The following CYTH1 variants were observed in gnomAD, a reference collection of about 807,000 sequenced individuals.
CYTH1 encodes cytohesin-1.
A neutral mutation model predicts 61.8 loss-of-function variants in CYTH1; 18 were observed. The ratio of observed to expected loss-of-function variants is 0.29; its 90% confidence interval spans 0.20 to 0.43. The LOEUF (loss-of-function observed/expected upper bound fraction) is 0.43, where lower values mean the gene tolerates loss of function less well. Ranked by LOEUF, CYTH1 falls within the 20% of genes least tolerant of loss-of-function variation. The pLI, the probability that CYTH1 is intolerant of heterozygous loss-of-function variation, is 1.00. For synonymous variants in CYTH1, 174 were observed against 184.3 expected, an observed-to-expected ratio of 0.94 and a Z score of 0.45; for missense variants, 336 against 510.5, an observed-to-expected ratio of 0.66 and a Z score of 3.29.
chr17:78,710,004 T>C (rs567359878), intron 1 of CYTH1, among the ~76,000 whole-genome samples: 1 of 152,320 alleles, frequency 6.6e-6, no homozygotes. Flanking sequence ...TGGCTATGAA[T>C]GAAAAAGGAT....
chr17:78,755,033 T>C (rs1293611591), intron 1 of CYTH1, among the ~76,000 whole-genome samples: 2 of 151,986 alleles, frequency 1.3e-5, no homozygotes, highest in Admixed American at 6.6e-5. Context: ...TTATACACAA[T>C]AGCCCAAATC....
intron 1 of CYTH1, among the ~76,000 whole-genome samples, chr17:78,728,914 G>A (rs2093279715): frequency 6.6e-6 from 1 of 152,204 alleles, no homozygotes; most frequent in South Asian, 2.1e-4. Flanking sequence ...AGATGTTAAT[G>A]TAAAATAAAA....
rs552944020 is a variant in CYTH1 at position 78,741,848 on chromosome 17, A to G, written c.23-32116T>C. Reference sequence around the variant, plus strand: ...GACAGCAGGATGGAGCCGGACAGGAAGTAGAGCTGGAGGCAAAAGGAAGGT... The same window carrying G: ...GACAGCAGGATGGAGCCGGACAGGAGGTAGAGCTGGAGGCAAAAGGAAGGT... On this transcript the variant is annotated intron_variant, in intron 1 of 13. Transcript: ENST00000446868. 7.2e-5 allele frequency among the ~76,000 whole-genome samples: 11 copies of G among 152,338 alleles called. No homozygotes were observed. The South Asian group carries it at 2.3e-3, about 32-fold the overall frequency.
chr17:78,780,744 T>C (rs181324043), intron 1 of CYTH1, among the ~76,000 whole-genome samples: 33 of 152,108 alleles, frequency 2.2e-4, no homozygotes, highest in African/African-American at 7.2e-4. Context: ...CGGTGGCTCA[T>C]GCCTGTAATC....
At chr17:78,679,003 T>C (rs1167661262) in intron 13 of CYTH1, among the ~76,000 whole-genome samples, 1 of 152,254 alleles carries the variant, frequency 6.6e-6, no homozygotes, top group African/African-American at 2.4e-5. Flanking sequence ...GGATAAATCA[T>C]CTATTCCTTT....
At chr17:78,715,724 G>A (rs1047419049) in intron 1 of CYTH1, among the ~76,000 whole-genome samples, 1 of 152,120 alleles carries the variant, frequency 6.6e-6, no homozygotes, top group Non-Finnish European at 1.5e-5. Context: ...TGGGCCATCA[G>A]GGACGCCAGG....
chr17:78,763,766 G>GA (rs2093437778), intron 1 of CYTH1, among the ~76,000 whole-genome samples: 1 of 152,196 alleles, frequency 6.6e-6, no homozygotes, highest in South Asian at 2.1e-4. Flanking sequence ...GGATAAGGGG[G>GA]AAAGTATGCT....
intron 1 of CYTH1, among the ~76,000 whole-genome samples, chr17:78,716,185 C>G (rs1035338734): frequency 6.6e-6 from 1 of 152,168 alleles, no homozygotes; most frequent in African/African-American, 2.4e-5. Flanking sequence ...AAAATAATCA[C>G]CAATTTAAGA....
chr17:78,682,633 C>T (rs2092775310), intron 11 of CYTH1, among the ~76,000 whole-genome samples: 1 of 152,216 alleles, frequency 6.6e-6, no homozygotes, highest in African/African-American at 2.4e-5. Context: ...TTCTATTGGA[C>T]CCTCACACCT....
intron 1 of CYTH1, among the ~76,000 whole-genome samples, chr17:78,715,189 T>C (rs1416303680): frequency 1.3e-5 from 2 of 152,164 alleles, no homozygotes; most frequent in Non-Finnish European, 2.9e-5. Flanking sequence ...GGAGAGTGAT[T>C]AATCAGACCA....
chr17:78,770,722 A>C (rs569450613), intron 1 of CYTH1, among the ~76,000 whole-genome samples: 1 of 152,130 alleles, frequency 6.6e-6, no homozygotes, highest in African/African-American at 2.4e-5. Context: ...AGGTTTTTTT[A>C]ATAGCCTTAG....
intron 1 of CYTH1, among the ~76,000 whole-genome samples, chr17:78,753,498 T>C (rs923789686): frequency 9.1e-6 from 1 of 109,338 alleles, no homozygotes. Context: ...TTATCTCTAC[T>C]TAATAAATAA....
intron 1 of CYTH1, among the ~76,000 whole-genome samples, chr17:78,729,315 T>G: frequency 6.6e-6 from 1 of 152,172 alleles, no homozygotes; most frequent in South Asian, 2.1e-4. Flanking sequence ...TAAAAATTAG[T>G]AAAGCAAAGA....
intron 1 of CYTH1, among the ~76,000 whole-genome samples, chr17:78,776,404 C>T (rs1316848190): frequency 6.6e-6 from 1 of 152,036 alleles, no homozygotes; most frequent in Admixed American, 6.6e-5. Context: ...CACCTGTAAT[C>T]CCGGCACTTT....
intron 3 of CYTH1, among the ~76,000 whole-genome samples, chr17:78,703,586 A>G (rs2093036086): frequency 6.6e-6 from 1 of 152,142 alleles, no homozygotes; most frequent in Non-Finnish European, 1.5e-5. Flanking sequence ...TTTTACAGTT[A>G]ATCCTTACTT....
At chr17:78,708,513 G>C (rs538364680) in intron 2 of CYTH1, among the ~76,000 whole-genome samples, 1 of 152,158 alleles carries the variant, frequency 6.6e-6, no homozygotes, top group Non-Finnish European at 1.5e-5. Context: ...AGGAGTTTAC[G>C]GTCTAGGAAA....
chr17:78,736,961 C>T (rs2093323269), intron 1 of CYTH1: 1 of 157,226 alleles, frequency 6.4e-6, no homozygotes, highest in South Asian at 1.5e-4. Context: ...AGTGCCACCA[C>T]CCAGTTCCTG....
Position 78,737,382 on chromosome 17 carries a change from T to G in CYTH1, c.23-27650A>C, listed in dbSNP as rs536329373. Among the ~76,000 whole-genome samples the G allele has an allele frequency of 1.0e-3, 154 of 152,280 alleles. 1 individual carries two copies. The highest frequency in any genetic ancestry group is 3.7e-3 in the African/African-American group (152 of 41,558). ...GTATGTATTCAGTACAGGTGTGACC[T>G]TTTTTTATTTTCCAAATATTTTCCA... On this transcript the variant is annotated intron_variant, in intron 1 of 13. Coordinates refer to ENST00000446868, the MANE Select transcript of CYTH1 (RefSeq NM_004762.6).
chr17:78,728,491 T>C (rs2093277670), intron 1 of CYTH1, among the ~76,000 whole-genome samples: 1 of 151,496 alleles, frequency 6.6e-6, no homozygotes, highest in Admixed American at 6.6e-5. Context: ...GAGGTTGCAG[T>C]GAGCCAAGAC....
Sources: allele counts gnomAD v4.1 joint callset (sites outside exome capture counted in the v4.1 genomes callset), GRCh38; gene constraint gnomAD v4.1.1; transcripts MANE v1.5; gene names NCBI Gene and HGNC (gene_info 2026-07-23, HGNC 2026-07-21).